The following DLGAP2 variants were observed in gnomAD, a reference collection of about 807,000 sequenced individuals.
The protein encoded by DLGAP2 is disks large-associated protein 2.
DLGAP2 carries 26 observed loss-of-function variants against 100.3 expected under a neutral mutation model. The observed-to-expected ratio is 0.26, with a 90% CI of 0.19 to 0.36. The LOEUF is 0.36. Ranked by LOEUF, DLGAP2 falls within the 10% of genes least tolerant of loss-of-function variation. The probability of loss-of-function intolerance (pLI) is 1.00; values close to 1 mark genes in which losing one functional copy is unlikely to be tolerated. For synonymous variants in DLGAP2, 886 were observed against 630.1 expected (o/e 1.41, Z -6.08); for missense variants, 1,858 against 1,453.2 (o/e 1.28, Z -4.53).
intron 6 of DLGAP2, among the ~76,000 whole-genome samples, chr8:1,606,441 G>A (rs745699691): frequency 6.6e-6 from 1 of 152,018 alleles, no homozygotes; most frequent in Non-Finnish European, 1.5e-5. Flanking sequence ...TGGCAACCAC[G>A]AACCTGCATT....
chr8:1,130,023 A>C (rs1490049247), intron 2 of DLGAP2, among the ~76,000 whole-genome samples: 1 of 152,120 alleles, frequency 6.6e-6, no homozygotes, highest in East Asian at 1.9e-4. Flanking sequence ...CGTGTAGCTC[A>C]CGTCGGGCAC....
intron 3 of DLGAP2, among the ~76,000 whole-genome samples, chr8:1,306,059 G>T (rs1800481704): frequency 9.0e-6 from 1 of 111,166 alleles, no homozygotes; most frequent in Non-Finnish European, 1.8e-5. Context: ...AGAAGTCCTA[G>T]ACAGAGAAAT....
chr8:752,519 G>A (rs10101865), intron 1 of DLGAP2, among the ~76,000 whole-genome samples: 38,954 of 152,012 alleles, frequency 0.26, 6,237 homozygotes, highest in Non-Finnish European at 0.36. Context: ...AGCCGCCTGG[G>A]CTCGGTGTGG....
At chr8:1,639,556 C>T (rs1023229286) in intron 8 of DLGAP2, among the ~76,000 whole-genome samples, 24 of 152,220 alleles carry the variant, frequency 1.6e-4, no homozygotes, top group African/African-American at 4.3e-4. Flanking sequence ...CTCCCAGAGA[C>T]GGGCCTGGAC....
At chr8:964,883 G>A (rs977146514) in intron 2 of DLGAP2, among the ~76,000 whole-genome samples, 1 of 152,122 alleles carries the variant, frequency 6.6e-6, no homozygotes, top group East Asian at 1.9e-4. Flanking sequence ...CCATGCTCCG[G>A]GGGGTACTGC....
chr8:1,300,723 C>G (rs752013525), intron 3 of DLGAP2: 3 of 152,234 alleles, frequency 2.0e-5, no homozygotes, highest in Non-Finnish European at 2.9e-5. Context: ...CTCGTGTTTT[C>G]TGAGACTGCA....
intron 3 of DLGAP2, among the ~76,000 whole-genome samples, chr8:1,261,959 C>T (rs1799359597): frequency 1.3e-5 from 2 of 152,200 alleles, no homozygotes; most frequent in South Asian, 4.1e-4. Flanking sequence ...GCGCTCATTA[C>T]ATCCAGAAGG....
intron 3 of DLGAP2, among the ~76,000 whole-genome samples, chr8:1,328,275 C>T (rs139737511): frequency 3.3e-5 from 5 of 151,802 alleles, no homozygotes; most frequent in Non-Finnish European, 5.9e-5. Flanking sequence ...CTCCTGACCT[C>T]GTGATCCACC....
intron 3 of DLGAP2, among the ~76,000 whole-genome samples, chr8:1,411,026 A>G (rs943780055): frequency 6.6e-6 from 1 of 152,090 alleles, no homozygotes; most frequent in African/African-American, 2.4e-5. Context: ...GGGTTTATTT[A>G]TTGAGTTTCA....
intron 6 of DLGAP2, among the ~76,000 whole-genome samples, chr8:1,591,255 G>A (rs960676710): frequency 6.6e-6 from 1 of 151,910 alleles, no homozygotes; most frequent in Non-Finnish European, 1.5e-5. Flanking sequence ...GAATTACAGG[G>A]AAGGGAGGTT....
chr8:955,927 A>G (rs1799586907), intron 2 of DLGAP2, among the ~76,000 whole-genome samples: 2 of 152,190 alleles, frequency 1.3e-5, no homozygotes, highest in African/African-American at 4.8e-5. Flanking sequence ...CACAGACAGC[A>G]GCCCAGACCG....
chr8:1,054,964 A>T (rs1368149416), intron 2 of DLGAP2, among the ~76,000 whole-genome samples: 1 of 152,260 alleles, frequency 6.6e-6, no homozygotes, highest in Non-Finnish European at 1.5e-5. Flanking sequence ...GTTTTTCCTC[A>T]TGAAGCAATA....
intron 3 of DLGAP2, among the ~76,000 whole-genome samples, chr8:1,344,552 T>C (rs1277044451): frequency 6.6e-6 from 1 of 152,208 alleles, no homozygotes; most frequent in Non-Finnish European, 1.5e-5. Context: ...CATAAGGATG[T>C]CACAGAGATT....
intron 2 of DLGAP2, among the ~76,000 whole-genome samples, chr8:1,155,025 C>T (rs967884446): frequency 5.3e-5 from 8 of 152,198 alleles, no homozygotes; most frequent in Non-Finnish European, 2.9e-5. Context: ...CTTCTGTTCC[C>T]ACTCATTCTC....
At chr8:1,310,957 A>G (rs1800599966) in intron 3 of DLGAP2, among the ~76,000 whole-genome samples, 1 of 152,188 alleles carries the variant, frequency 6.6e-6, no homozygotes, top group Non-Finnish European at 1.5e-5. Context: ...AGATCATTAA[A>G]TTAAATTCAA....
chr8:866,164 C>T (rs930089404), intron 1 of DLGAP2, among the ~76,000 whole-genome samples: 5 of 152,110 alleles, frequency 3.3e-5, no homozygotes, highest in Non-Finnish European at 5.9e-5. Flanking sequence ...CCGGGGCCCT[C>T]GGTGCCTCTC....
At chr8:1,178,320 GGA>G (rs1797305745) in intron 2 of DLGAP2, among the ~76,000 whole-genome samples, 1 of 152,196 alleles carries the variant, frequency 6.6e-6, no homozygotes, top group Non-Finnish European at 1.5e-5. Context: ...ACCTGCGCTT[GGA>G]GAGAGTGTCT....
At chr8:837,203 G>A (rs1034938839) in intron 1 of DLGAP2, among the ~76,000 whole-genome samples, 1 of 152,168 alleles carries the variant, frequency 6.6e-6, no homozygotes, top group Non-Finnish European at 1.5e-5. Flanking sequence ...GGGATCTCGC[G>A]GGCCGTGTGC....
chr8:1,023,841 T>G (rs1801697720), intron 2 of DLGAP2, among the ~76,000 whole-genome samples: 1 of 116,866 alleles, frequency 8.6e-6, no homozygotes, highest in Admixed American at 9.5e-5. Flanking sequence ...CGTCTGCAAG[T>G]GCTCAAACTT....
Sources: allele counts gnomAD v4.1 joint callset (sites outside exome capture counted in the v4.1 genomes callset), GRCh38; gene constraint gnomAD v4.1.1; transcripts MANE v1.5; gene names NCBI Gene and HGNC (gene_info 2026-07-23, HGNC 2026-07-21).